The following RNGTT variants were observed in gnomAD, a reference collection of about 807,000 sequenced individuals.
RNGTT encodes the protein mRNA-capping enzyme.
A neutral mutation model predicts 79.3 loss-of-function variants in RNGTT; 33 were observed. The observed-to-expected ratio is 0.42, with a 90% CI of 0.32 to 0.56. The LOEUF is 0.56. Among genes scored for constraint, RNGTT ranks in the 20% least tolerant of loss-of-function variants. RNGTT has a pLI of 0.17. For missense variants in RNGTT, 497 were observed against 739.1 expected (o/e 0.67, Z 3.80); for synonymous variants, 222 against 235.9 (o/e 0.94, Z 0.54).
intron 12 of RNGTT, among the ~76,000 whole-genome samples, chr6:88,796,769 T>C (rs76517162): frequency 0.019 from 2,881 of 152,234 alleles, 84 homozygotes; most frequent in African/African-American, 0.066. Flanking sequence ...AGCCAGTGTC[T>C]TAGGAAGCTT....
At chr6:88,744,997 T>C (rs894483765) in intron 13 of RNGTT, among the ~76,000 whole-genome samples, 1 of 152,172 alleles carries the variant, frequency 6.6e-6, no homozygotes, top group Non-Finnish European at 1.5e-5. Context: ...AAACAAAGTA[T>C]TTTTCCTGGA....
chr6:88,849,254 T>C (rs1781587424), intron 10 of RNGTT, among the ~76,000 whole-genome samples: 1 of 152,048 alleles, frequency 6.6e-6, no homozygotes, highest in African/African-American at 2.4e-5. Context: ...TTCTTTGTTT[T>C]AAATACAGAA....
chr6:88,938,289 C>G (rs1784733148), intron 2 of RNGTT, among the ~76,000 whole-genome samples: 1 of 152,130 alleles, frequency 6.6e-6, no homozygotes, highest in Non-Finnish European at 1.5e-5. Context: ...TAATGACCTT[C>G]TTGATCTCCT....
intron 4 of RNGTT, among the ~76,000 whole-genome samples, chr6:88,927,785 G>C (rs1784369596): frequency 6.8e-6 from 1 of 147,908 alleles, no homozygotes; most frequent in Non-Finnish European, 1.5e-5. Flanking sequence ...AGTGAGCCGA[G>C]ATCACTCCAC....
intron 13 of RNGTT, among the ~76,000 whole-genome samples, chr6:88,684,176 A>G (rs1399107285): frequency 6.6e-6 from 1 of 152,206 alleles, no homozygotes; most frequent in East Asian, 1.9e-4. Flanking sequence ...CTGAAGTAAC[A>G]CTAAGATACT....
chr6:88,671,800 A>G (rs1774650919), intron 14 of RNGTT, among the ~76,000 whole-genome samples: 1 of 152,196 alleles, frequency 6.6e-6, no homozygotes, highest in African/African-American at 2.4e-5. Context: ...AAATAACGCC[A>G]CATACTTACT....
chr6:88,692,086 A>G (rs1775502993), intron 13 of RNGTT, among the ~76,000 whole-genome samples: 1 of 152,228 alleles, frequency 6.6e-6, no homozygotes, highest in Admixed American at 6.5e-5. Flanking sequence ...ATAGAGTTAC[A>G]AGACCACAAA....
In RNGTT at chr6:88,919,707, CTTTTTTTTTTTTT is replaced by C. The variant is rs5878082; in HGVS notation, c.367+9265_367+9277del. Reference sequence around the variant, plus strand: ...GATCAGTCTAATTAGGTCAGTAGTTCTTTTTTTTTTTTTTTTTTTTTTTTTTGAGACGGAGTTT... The same window carrying C: ...GATCAGTCTAATTAGGTCAGTAGTTCTTTTTTTTTTTTTGAGACGGAGTTT... On this transcript the variant is annotated intron_variant, in intron 4 of 15. Transcript: ENST00000369485. Among the ~76,000 whole-genome samples, 13 of 58,480 alleles carry C rather than the reference CTTTTTTTTTTTTT, an allele frequency of 2.2e-4. No homozygotes were observed. In the Admixed American group the frequency reaches 2.4e-3, roughly 11 times the overall value. 38.4% of individuals were successfully genotyped at this position (58,480 alleles called of 152,430 possible).
chr6:88,832,998 A>T (rs988504537), intron 11 of RNGTT, among the ~76,000 whole-genome samples: 1 of 152,216 alleles, frequency 6.6e-6, no homozygotes, highest in Non-Finnish European at 1.5e-5. Flanking sequence ...TAGTTCCATC[A>T]TTGTGGAAGA....
intron 4 of RNGTT, among the ~76,000 whole-genome samples, chr6:88,923,400 T>C (rs1784222062): frequency 6.6e-6 from 1 of 152,198 alleles, no homozygotes; most frequent in South Asian, 2.1e-4. Flanking sequence ...TCTTGAGAAA[T>C]ACCACCATGT....
At chr6:88,820,645 A>G (rs892518913) in intron 11 of RNGTT, among the ~76,000 whole-genome samples, 1 of 152,318 alleles carries the variant, frequency 6.6e-6, no homozygotes, top group South Asian at 2.1e-4. Flanking sequence ...TACAGAAAAA[A>G]TATCAATCAC....
At chr6:88,820,034 T>C (rs779726841) in intron 11 of RNGTT, among the ~76,000 whole-genome samples, 1 of 152,250 alleles carries the variant, frequency 6.6e-6, no homozygotes, top group South Asian at 2.1e-4. Context: ...CAGAATCATA[T>C]GTGGAACAGT....
At chr6:88,819,931 C>T (rs886526969) in intron 11 of RNGTT, among the ~76,000 whole-genome samples, 1 of 152,070 alleles carries the variant, frequency 6.6e-6, no homozygotes, top group Admixed American at 6.5e-5. Flanking sequence ...GTAGGTGAAA[C>T]ATTTCACGAA....
chr6:88,728,542 G>C (rs764353652), intron 13 of RNGTT, among the ~76,000 whole-genome samples: 3 of 152,138 alleles, frequency 2.0e-5, no homozygotes, highest in Non-Finnish European at 4.4e-5. Context: ...TTTACTAGAG[G>C]GACAGCTATC....
At chr6:88,766,801 T>C (rs937338015) in intron 13 of RNGTT, among the ~76,000 whole-genome samples, 1 of 152,146 alleles carries the variant, frequency 6.6e-6, no homozygotes, top group African/African-American at 2.4e-5. Flanking sequence ...CAAGATATTC[T>C]ATTCCATTTT....
At chr6:88,760,151 T>C (rs1215314191) in intron 13 of RNGTT, among the ~76,000 whole-genome samples, 1 of 152,218 alleles carries the variant, frequency 6.6e-6, no homozygotes, top group East Asian at 1.9e-4. Context: ...TTGACTCCAG[T>C]GAGGTCATAA....
In RNGTT at chr6:88,905,087, C is replaced by T. The variant is rs377726714; in HGVS notation, c.444-132G>A. 8.6e-5 allele frequency: 95 copies of T among 1,101,672 alleles called. 1 individual carries two copies. The African/African-American group carries it at 1.4e-3, about 16-fold the overall frequency. 68.2% of individuals were successfully genotyped at this position (1,101,672 alleles called of 1,614,324 possible). On this transcript the variant is annotated intron_variant, in intron 5 of 15. Transcript: ENST00000369485. ...TTTATAAAATGGGCAAATCACAATC[C>T]TCACCCTCAAGTCATTCAATCTATT...
intron 8 of RNGTT, among the ~76,000 whole-genome samples, chr6:88,879,660 T>C (rs1179344265): frequency 6.6e-6 from 1 of 152,224 alleles, no homozygotes; most frequent in Non-Finnish European, 1.5e-5. Context: ...AAAGTACCAA[T>C]GGCTTAGCAT....
chr6:88,766,085 C>G (rs889126705), intron 13 of RNGTT, among the ~76,000 whole-genome samples: 1 of 152,024 alleles, frequency 6.6e-6, no homozygotes, highest in Non-Finnish European at 1.5e-5. Flanking sequence ...TTACCATGTA[C>G]CAGGTTCTGT....
Sources: gnomAD v4.1 joint callset for allele counts (sites outside exome capture counted in the v4.1 genomes callset) on GRCh38, gnomAD v4.1.1 for gene constraint, MANE v1.5 for transcripts, NCBI Gene and HGNC (gene_info 2026-07-23, HGNC 2026-07-21) for gene names.